The following LYRM4 variants were observed in gnomAD, a reference collection of about 807,000 sequenced individuals.
LYRM4 encodes the protein LYR motif containing 4.
LYRM4 carries 9 observed loss-of-function variants against 11.7 expected under a neutral mutation model. The observed-to-expected ratio is 0.77, with a 90% CI of 0.46 to 1.34. The LOEUF is 1.34. LYRM4 is among the 40% of genes most tolerant of loss of function. LYRM4 has a pLI of 0.00. For missense variants in LYRM4, 133 were observed against 112.5 expected (o/e 1.18, Z -0.82); for synonymous variants, 42 against 40.4 (o/e 1.04, Z -0.15).
chr6:5,208,016 C>T (rs1325927324), intron 2 of LYRM4, among the ~76,000 whole-genome samples: 1 of 152,214 alleles, frequency 6.6e-6, no homozygotes, highest in African/African-American at 2.4e-5. Flanking sequence ...GCCCAACATT[C>T]TCCTAATTGT....
At chr6:5,123,482 C>A (rs535057635) in intron 2 of LYRM4, among the ~76,000 whole-genome samples, 1 of 152,210 alleles carries the variant, frequency 6.6e-6, no homozygotes, top group Admixed American at 6.5e-5. Context: ...TCTGAGTATA[C>A]GTATAAGCAC....
At chr6:5,105,981 C>T (rs1762652996), downstream of LYRM4, 1 of 152,394 alleles carries the variant, frequency 6.6e-6, no homozygotes, top group South Asian at 2.1e-4. Flanking sequence ...GAACTACCCT[C>T]TCCCCCAATT....
At chr6:5,175,541 AC>A (rs1759667292) in intron 2 of LYRM4, among the ~76,000 whole-genome samples, 2 of 151,900 alleles carry the variant, frequency 1.3e-5, no homozygotes, top group African/African-American at 2.4e-5. Context: ...ATCAGGAAAA[AC>A]CATTTCCTGA....
At chr6:5,203,764 G>A (rs868060979) in intron 2 of LYRM4, among the ~76,000 whole-genome samples, 10 of 152,338 alleles carry the variant, frequency 6.6e-5, no homozygotes, top group African/African-American at 2.2e-4. Context: ...CAGCTGGGCA[G>A]GGCCCCTCGT....
chr6:5,250,125 T>C (rs915297625), intron 1 of LYRM4, among the ~76,000 whole-genome samples: 7 of 152,178 alleles, frequency 4.6e-5, no homozygotes, highest in Admixed American at 3.9e-4. Flanking sequence ...CCTCATTTTC[T>C]TATATTCTCT....
rs180821805 is a variant in LYRM4, at chr6:5,248,525, C to A, written c.86+12123G>T. The stretch of plus-strand genomic sequence containing the variant: ...TAGTCCCACCTGTCTCCACCCTCAT[C>A]TCCCACTACATGCCATCAGCAACAC... On this transcript the variant is annotated intron_variant, in intron 1 of 2. Transcript: ENST00000330636. Among the ~76,000 whole-genome samples, 42 of 152,360 alleles carry A rather than the reference C, an allele frequency of 2.8e-4. No individual in the cohort carries two copies. In the South Asian group the frequency reaches 7.9e-3, roughly 29 times the overall value.
the LYRM4 span, chr6:5,066,230 C>G: frequency 1.4e-6 from 1 of 724,522 alleles, no homozygotes; most frequent in Non-Finnish European, 2.6e-6. Context: ...TGCCAGATAA[C>G]ACTTCATACA....
intron 2 of LYRM4, among the ~76,000 whole-genome samples, chr6:5,110,993 A>G (rs959504594): frequency 2.6e-5 from 4 of 152,182 alleles, no homozygotes; most frequent in Non-Finnish European, 5.9e-5. Flanking sequence ...AGTCACGATG[A>G]ATGCAGCACA....
At chr6:5,037,624 T>C in the LYRM4 span, among the ~76,000 whole-genome samples, 6 of 63,080 alleles carry the variant, frequency 9.5e-5, no homozygotes, top group Non-Finnish European at 1.6e-4. Context: ...ACGGGGCGGC[T>C]GGCCGGGCGG....
the LYRM4 span, among the ~76,000 whole-genome samples, chr6:5,098,011 T>C: frequency 6.6e-6 from 1 of 152,322 alleles, no homozygotes; most frequent in South Asian, 2.1e-4. Flanking sequence ...TTTTTAGAGA[T>C]AGGATCTTGC....
chr6:5,074,949 C>T, the LYRM4 span, among the ~76,000 whole-genome samples: 1 of 152,136 alleles, frequency 6.6e-6, no homozygotes, highest in Admixed American at 6.6e-5. Context: ...TTTCTCATAA[C>T]TGGTTTAGTG....
chr6:5,147,921 A>C (rs1216706372), intron 2 of LYRM4, among the ~76,000 whole-genome samples: 3 of 152,150 alleles, frequency 2.0e-5, no homozygotes, highest in Non-Finnish European at 4.4e-5. Context: ...TTACTGTCCG[A>C]CTTTCCTTTT....
chr6:5,050,585 T>C, the LYRM4 span, among the ~76,000 whole-genome samples: 1 of 152,168 alleles, frequency 6.6e-6, no homozygotes, highest in Non-Finnish European at 1.5e-5. Flanking sequence ...ATTTAAGAAC[T>C]AGGACATCAA....
intron 2 of LYRM4, among the ~76,000 whole-genome samples, chr6:5,211,977 T>C (rs536360457): frequency 1.1e-4 from 17 of 152,326 alleles, no homozygotes; most frequent in Admixed American, 9.8e-4. Context: ...TCTCTAGACA[T>C]GAGGCTATGA....
chr6:5,171,775 T>G (rs12661523), intron 2 of LYRM4, among the ~76,000 whole-genome samples: 36,303 of 152,160 alleles, frequency 0.24, 5,103 homozygotes, highest in East Asian at 0.41. Context: ...ACTGTCATTG[T>G]AGGTGATGAG....
chr6:5,121,691 G>A (rs1359092093), intron 2 of LYRM4, among the ~76,000 whole-genome samples: 1 of 152,202 alleles, frequency 6.6e-6, no homozygotes, highest in East Asian at 1.9e-4. Flanking sequence ...CTGGGATGGC[G>A]ACAACAGAGC....
the LYRM4 span, among the ~76,000 whole-genome samples, chr6:5,074,242 T>G: frequency 2.0e-5 from 3 of 152,170 alleles, no homozygotes; most frequent in Non-Finnish European, 4.4e-5. Context: ...CGAAGGGCAC[T>G]GAAGCTTCAG....
intron 2 of LYRM4, among the ~76,000 whole-genome samples, chr6:5,172,274 C>A (rs759006461): frequency 6.6e-5 from 10 of 152,166 alleles, no homozygotes; most frequent in Non-Finnish European, 1.2e-4. Flanking sequence ...CGCTGTAACA[C>A]GAGCTGCACA....
chr6:5,129,396 G>A (rs758256602), intron 2 of LYRM4, among the ~76,000 whole-genome samples: 3 of 152,140 alleles, frequency 2.0e-5, no homozygotes, highest in Non-Finnish European at 2.9e-5. Flanking sequence ...GCTTCTTCCC[G>A]AGGCTCTGGG....
Sources: allele counts gnomAD v4.1 joint callset (sites outside exome capture counted in the v4.1 genomes callset), GRCh38; gene constraint gnomAD v4.1.1; transcripts MANE v1.5; gene names NCBI Gene and HGNC (gene_info 2026-07-23, HGNC 2026-07-21).